The following GALNT13 variants were observed in gnomAD, a reference collection of about 807,000 sequenced individuals.
GALNT13 encodes the protein UDP-GalNAc:polypeptide N-acetylgalactosaminyltransferase 13.
A neutral mutation model predicts 64.2 loss-of-function variants in GALNT13; 28 were observed. That is an observed-to-expected ratio of 0.44 (90% CI 0.32 to 0.60). The LOEUF (loss-of-function observed/expected upper bound fraction) is 0.60, where lower values mean the gene tolerates loss of function less well. GALNT13 is among the 20% of genes least tolerant of loss of function. The pLI is 0.05. For synonymous variants in GALNT13, 214 were observed against 224.6 expected (o/e 0.95, Z 0.42); for missense variants, 577 against 669.8 (o/e 0.86, Z 1.53).
At chr2:153,949,771 A>G (rs1692035121) in intron 3 of GALNT13, among the ~76,000 whole-genome samples, 1 of 152,062 alleles carries the variant, frequency 6.6e-6, no homozygotes, top group Non-Finnish European at 1.5e-5. Context: ...GTCCAAAGGA[A>G]GAGAATTAGC....
At chr2:153,388,552 T>C in the GALNT13 span, among the ~76,000 whole-genome samples, 1 of 152,058 alleles carries the variant, frequency 6.6e-6, no homozygotes, top group African/African-American at 2.4e-5. Context: ...AAAGCTTTTA[T>C]TAGAACTTCT....
At chr2:153,630,083 A>T in the GALNT13 span, among the ~76,000 whole-genome samples, 5,255 of 149,350 alleles carry the variant, frequency 0.035, 138 homozygotes, top group Middle Eastern at 0.055. Context: ...TGTGGAAGTC[A>T]GTGTGGCGAT....
chr2:153,323,800 G>T, the GALNT13 span, among the ~76,000 whole-genome samples: 1 of 152,134 alleles, frequency 6.6e-6, no homozygotes, highest in Non-Finnish European at 1.5e-5. Flanking sequence ...GATGGTTGTA[G>T]ATGTGTGGTC....
At chr2:154,155,761 A>G (rs1039229911) in intron 4 of GALNT13, among the ~76,000 whole-genome samples, 2 of 151,958 alleles carry the variant, frequency 1.3e-5, no homozygotes, top group Admixed American at 1.3e-4. Flanking sequence ...TAGAAAATTT[A>G]TATTTGGACT....
chr2:153,087,148 A>G, the GALNT13 span, among the ~76,000 whole-genome samples: 4 of 152,082 alleles, frequency 2.6e-5, no homozygotes, highest in South Asian at 2.1e-4. Flanking sequence ...ACCTTGAGGT[A>G]TGTTTTTTCT....
chr2:153,606,413 G>C, the GALNT13 span, among the ~76,000 whole-genome samples: 1 of 152,062 alleles, frequency 6.6e-6, no homozygotes, highest in Non-Finnish European at 1.5e-5. Context: ...TGGACCACAG[G>C]CTGCATGTGG....
downstream of GALNT13, among the ~76,000 whole-genome samples, chr2:154,455,423 C>A (rs1254518933): frequency 1.3e-5 from 2 of 152,182 alleles, no homozygotes; most frequent in Non-Finnish European, 2.9e-5. Flanking sequence ...GGATGTGTCA[C>A]CATCTACAGC....
At chr2:154,237,372 G>C (rs1364985248) in intron 4 of GALNT13, among the ~76,000 whole-genome samples, 1 of 151,436 alleles carries the variant, frequency 6.6e-6, no homozygotes, top group African/African-American at 2.4e-5. Flanking sequence ...GTCTCAAGTA[G>C]AATAGATTAT....
Position 154,235,963 on chromosome 2 carries a change from A to G in GALNT13, c.312-6067A>G, listed in dbSNP as rs1287934576. 98 of 641,050 alleles carry G rather than the reference A, an allele frequency of 1.5e-4. 2 individuals carry two copies. In the South Asian group the frequency reaches 1.9e-3, roughly 13 times the overall value. The allele number at this position is 641,050 out of a possible 1,614,324, so 39.7% of individuals were successfully genotyped here. ...ATTTCACTGTATTGCTATGTTACAGACATTGGAAATATGATTCTGCCTCCA... is the reference window on the plus strand; with the variant it reads ...ATTTCACTGTATTGCTATGTTACAGGCATTGGAAATATGATTCTGCCTCCA... On this transcript the variant is annotated intron_variant, in intron 4 of 12. Coordinates refer to ENST00000392825, the MANE Select transcript of GALNT13 (RefSeq NM_052917.4).
chr2:153,989,354 T>G (rs1164977549), intron 3 of GALNT13, among the ~76,000 whole-genome samples: 2 of 151,800 alleles, frequency 1.3e-5, no homozygotes, highest in Non-Finnish European at 2.9e-5. Context: ...GGCCAAAAAT[T>G]AAGAGAGAGT....
chr2:153,315,273 C>T, the GALNT13 span, among the ~76,000 whole-genome samples: 16 of 152,146 alleles, frequency 1.1e-4, no homozygotes, highest in Non-Finnish European at 1.3e-4. Flanking sequence ...TATCCATGAT[C>T]ACTGGTAGAT....
intron 12 of GALNT13, among the ~76,000 whole-genome samples, chr2:154,448,218 A>G (rs752954866): frequency 9.2e-5 from 14 of 152,070 alleles, no homozygotes; most frequent in Non-Finnish European, 8.8e-5. Flanking sequence ...TTCTGTTAGT[A>G]TATATATGCA....
chr2:154,451,808 C>T lies in GALNT13; in HGVS notation c.*1257C>T, dbSNP rs531128788. ...TTTATATTTGACATCATTTTAAATG[C>T]TCAAAGAGTTGCCCTATATATGCAT... On this transcript the variant is annotated 3_prime_UTR_variant, in exon 13 of 13. Transcript: ENST00000392825. 1 of 152,120 alleles carries T rather than the reference C, an allele frequency of 6.6e-6. No individual in the cohort carries two copies. Among genetic ancestry groups the T allele is most frequent in the South Asian group, 2.1e-4 (1 of 4,818 alleles). The allele number at this position is 152,120 out of a possible 1,614,324, so 9.4% of individuals were successfully genotyped here.
intron 3 of GALNT13, among the ~76,000 whole-genome samples, chr2:154,021,380 G>C (rs1697477624): frequency 6.6e-6 from 1 of 152,108 alleles, no homozygotes; most frequent in African/African-American, 2.4e-5. Flanking sequence ...ATTTCCTTGA[G>C]CAGTGGTTTG....
At chr2:153,554,504 A>G in the GALNT13 span, among the ~76,000 whole-genome samples, 2 of 152,154 alleles carry the variant, frequency 1.3e-5, no homozygotes, top group African/African-American at 4.8e-5. Context: ...TTAACTCAGC[A>G]TTTTTCTGAT....
chr2:153,970,314 A>G (rs1244746391), intron 3 of GALNT13, among the ~76,000 whole-genome samples: 2 of 152,200 alleles, frequency 1.3e-5, no homozygotes, highest in African/African-American at 4.8e-5. Context: ...CATCTGAAAC[A>G]GTTCATCATC....
At chr2:154,330,814 A>G (rs1363715836) in intron 9 of GALNT13, among the ~76,000 whole-genome samples, 1 of 152,162 alleles carries the variant, frequency 6.6e-6, no homozygotes. Context: ...AACAAAATGA[A>G]TAATGTTCTA....
At chr2:153,667,266 A>G in the GALNT13 span, among the ~76,000 whole-genome samples, 1 of 152,274 alleles carries the variant, frequency 6.6e-6, no homozygotes, top group Admixed American at 6.5e-5. Context: ...AAACATTCAA[A>G]GTCAGAAAAT....
At chr2:153,694,415 G>C in the GALNT13 span, among the ~76,000 whole-genome samples, 18 of 152,232 alleles carry the variant, frequency 1.2e-4, no homozygotes, top group African/African-American at 4.3e-4. Context: ...GGTTAATTAT[G>C]TATGATGAAA....
Sources: gnomAD v4.1 joint callset for allele counts (sites outside exome capture counted in the v4.1 genomes callset) on GRCh38, gnomAD v4.1.1 for gene constraint, MANE v1.5 for transcripts, NCBI Gene and HGNC (gene_info 2026-07-23, HGNC 2026-07-21) for gene names.